CETN3: variants seen among roughly 807,000 people sequenced by gnomAD.
The protein encoded by CETN3 is centrin-3.
CETN3 carries 17 observed loss-of-function variants against 20.1 expected under a neutral mutation model. The ratio of observed to expected loss-of-function variants is 0.85; its 90% confidence interval spans 0.58 to 1.27. The LOEUF (loss-of-function observed/expected upper bound fraction) is 1.27, where lower values mean the gene tolerates loss of function less well. Among genes scored for constraint, CETN3 ranks in the 50% most tolerant of loss-of-function variants. The pLI, the probability that CETN3 is intolerant of heterozygous loss-of-function variation, is 0.00. For missense variants in CETN3, 169 were observed against 191.2 expected (o/e 0.88, Z 0.69); for synonymous variants, 52 against 59.7 (o/e 0.87, Z 0.59).
chr5:90,400,524 G>A (rs1265271821), intron 3 of CETN3, among the ~76,000 whole-genome samples: 1 of 150,012 alleles, frequency 6.7e-6, no homozygotes, highest in Non-Finnish European at 1.5e-5. Flanking sequence ...TACAAGAAAA[G>A]GTATTTATGG....
chr5:90,409,300 C>G (rs924898963), intron 1 of CETN3, among the ~76,000 whole-genome samples: 1 of 152,154 alleles, frequency 6.6e-6, no homozygotes, highest in Admixed American at 6.5e-5. Context: ...ACCAGGCACA[C>G]GGATGAATGA....
chr5:90,404,583 A>G (rs1050082842), intron 3 of CETN3, among the ~76,000 whole-genome samples: 7 of 152,180 alleles, frequency 4.6e-5, no homozygotes, highest in Admixed American at 1.3e-4. Context: ...ATTAGTTCAT[A>G]AGTTGAGGAT....
At position 90,407,691 on chromosome 5, in the gene CETN3, A is replaced by G; in HGVS notation, c.153+8T>C. 6.8e-7 allele frequency: 1 copy of G among 1,479,180 alleles called. No homozygotes were observed. The highest frequency in any genetic ancestry group is 9.1e-7 in the Non-Finnish European group (1 of 1,094,128). The allele number at this position is 1,479,180 out of a possible 1,614,324, so 91.6% of individuals were successfully genotyped here. On this transcript the variant is annotated splice_region_variant and intron_variant, in intron 2 of 4. Coordinates refer to ENST00000283122, the MANE Select transcript of CETN3 (RefSeq NM_004365.4). The stretch of plus-strand genomic sequence containing the variant: ...CACAGAAACAAATATTTTAAAGTAT[A>G]CCATTACCTTTAATTCATGATAATC...
intron 4 of CETN3, among the ~76,000 whole-genome samples, chr5:90,398,231 G>A (rs1327467866): frequency 6.6e-6 from 1 of 151,998 alleles, no homozygotes; most frequent in East Asian, 1.9e-4. Context: ...AAGTCACAAA[G>A]AGAGAAGAAC....
At chr5:90,398,660 C>T (rs1469217757) in intron 4 of CETN3, among the ~76,000 whole-genome samples, 1 of 152,130 alleles carries the variant, frequency 6.6e-6, no homozygotes, top group Non-Finnish European at 1.5e-5. Flanking sequence ...AAAGTAAAAT[C>T]AGTTACTCAA....
At chr5:90,396,427 C>A in intron 4 of CETN3, 1 of 1,496,094 alleles carries the variant, frequency 6.7e-7, no homozygotes, top group Non-Finnish European at 8.9e-7. Flanking sequence ...AGCTATGATC[C>A]CTCTCTCTTT....
chr5:90,392,358 T>TCC lies in CETN3; in HGVS notation c.*1705_*1706insGG. 1 of 152,298 alleles carries TCC rather than the reference T, an allele frequency of 6.6e-6. No individual in the cohort carries two copies. Among genetic ancestry groups the TCC allele is most frequent in the Non-Finnish European group, 1.5e-5 (1 of 68,014 alleles). The allele number at this position is 152,298 out of a possible 1,614,324, so 9.4% of individuals were successfully genotyped here. On this transcript the variant is annotated 3_prime_UTR_variant, in exon 5 of 5. Transcript: ENST00000283122. ...TCAGTGTGCGACAAAAATTTTTTAA[T>TCC]TTCAAGGTCTGTTGCCCTGAATATA...
intron 3 of CETN3, among the ~76,000 whole-genome samples, chr5:90,402,980 CAAT>C (rs752156625): frequency 3.2e-4 from 49 of 152,262 alleles, no homozygotes; most frequent in Admixed American, 1.1e-3. Context: ...TCTCAATCAG[CAAT>C]AATAAGTAGT....
chr5:90,396,644 T>C, intron 4 of CETN3: 2 of 982,426 alleles, frequency 2.0e-6, no homozygotes, highest in East Asian at 3.1e-5. Flanking sequence ...ACATCCATGA[T>C]TAAAATATTC....
At chr5:90,403,461 A>T (rs1749352865) in intron 3 of CETN3, among the ~76,000 whole-genome samples, 1 of 152,210 alleles carries the variant, frequency 6.6e-6, no homozygotes, top group South Asian at 2.1e-4. Context: ...AAGTTTAGCC[A>T]CATCTATTTA....
chr5:90,404,073 A>C (rs1488787060), intron 3 of CETN3, among the ~76,000 whole-genome samples: 1 of 152,126 alleles, frequency 6.6e-6, no homozygotes, highest in Non-Finnish European at 1.5e-5. Flanking sequence ...CCTGAAACAA[A>C]GACAATTTTT....
chr5:90,403,409 T>C (rs991028584), intron 3 of CETN3, among the ~76,000 whole-genome samples: 1 of 152,232 alleles, frequency 6.6e-6, no homozygotes, highest in Non-Finnish European at 1.5e-5. Flanking sequence ...CTAAGATACA[T>C]GTTGACCCTG....
chr5:90,396,775 AT>A (rs1377743260), intron 4 of CETN3, among the ~76,000 whole-genome samples: 8 of 152,260 alleles, frequency 5.3e-5, no homozygotes, highest in African/African-American at 1.9e-4. Flanking sequence ...AAAACACTTA[AT>A]TTTTATATTG....
At chr5:90,395,919 T>C (rs1489572315) in intron 4 of CETN3, 1 of 922,108 alleles carries the variant, frequency 1.1e-6, no homozygotes, top group African/African-American at 1.8e-5. Context: ...GAAAACCGGT[T>C]TTGATAACTA....
In CETN3 at chr5:90,409,629, C is replaced by T. The variant is rs750161959; in HGVS notation, c.17+16G>A. 35 of 1,614,094 alleles carry T rather than the reference C, an allele frequency of 2.2e-5. No individual in the cohort carries two copies. The highest frequency in any genetic ancestry group is 2.9e-5 in the Non-Finnish European group (34 of 1,180,002). Reference sequence around the variant, plus strand: ...CTCCGGGGTGTGGAGAGCACTGCCGCCTCCTTATTACCGACCTCAGAGCTA... The same window carrying T: ...CTCCGGGGTGTGGAGAGCACTGCCGTCTCCTTATTACCGACCTCAGAGCTA... On this transcript the variant is annotated intron_variant, in intron 1 of 4. Transcript: ENST00000283122.
At chr5:90,395,878 T>C (rs1749126560) in intron 4 of CETN3, 3 of 898,666 alleles carry the variant, frequency 3.3e-6, no homozygotes, top group African/African-American at 1.8e-5. Flanking sequence ...ATGAAAAGAA[T>C]ATATACTGCA....
chr5:90,404,367 TTTCCACTA>T (rs1176656334), intron 3 of CETN3, among the ~76,000 whole-genome samples: 1 of 152,182 alleles, frequency 6.6e-6, no homozygotes, highest in African/African-American at 2.4e-5. Flanking sequence ...AATAGTACCA[TTTCCACTA>T]TATACAAACA....
At chr5:90,401,866 T>C (rs1175783198) in intron 3 of CETN3, among the ~76,000 whole-genome samples, 1 of 152,192 alleles carries the variant, frequency 6.6e-6, no homozygotes, top group Non-Finnish European at 1.5e-5. Flanking sequence ...ATTTATTGTT[T>C]TAAAACAAGG....
chr5:90,395,927 C>A, intron 4 of CETN3: 1 of 920,422 alleles, frequency 1.1e-6, no homozygotes. Flanking sequence ...GTTTTGATAA[C>A]TATGTTAGTC....
Sources: allele counts gnomAD v4.1 joint callset (sites outside exome capture counted in the v4.1 genomes callset), GRCh38; gene constraint gnomAD v4.1.1; transcripts MANE v1.5; gene names NCBI Gene and HGNC (gene_info 2026-07-23, HGNC 2026-07-21).